The following KIF2A variants were observed in gnomAD, a reference collection of about 807,000 sequenced individuals.
KIF2A encodes kinesin family member 2A.
Under a neutral mutation model 100.2 loss-of-function variants are expected in KIF2A, and 22 were observed. The ratio of observed to expected loss-of-function variants is 0.22; its 90% confidence interval spans 0.16 to 0.31. The LOEUF is 0.31. Ranked by LOEUF, KIF2A falls within the 10% of genes least tolerant of loss-of-function variation. KIF2A has a pLI of 1.00. For missense variants in KIF2A, 495 were observed against 898.7 expected, an observed-to-expected ratio of 0.55 and a Z score of 5.74; for synonymous variants, 268 against 285.9, an observed-to-expected ratio of 0.94 and a Z score of 0.63.
chr5:62,376,791 A>C (rs994307290), intron 18 of KIF2A, among the ~76,000 whole-genome samples: 1 of 152,040 alleles, frequency 6.6e-6, no homozygotes, highest in East Asian at 1.9e-4. Context: ...GCCTGGAATC[A>C]GAGAAGCTCT....
intron 14 of KIF2A, among the ~76,000 whole-genome samples, chr5:62,364,294 C>T (rs139158651): frequency 0.026 from 4,027 of 152,078 alleles, 74 homozygotes; most frequent in Non-Finnish European, 0.04. Context: ...ATTACAGGCA[C>T]GCACCACCAC....
At chr5:62,320,823 A>ATTT (rs34685211) in intron 1 of KIF2A, among the ~76,000 whole-genome samples, 1 of 151,366 alleles carries the variant, frequency 6.6e-6, no homozygotes, top group African/African-American at 2.4e-5. Context: ...CAATTCAGTG[A>ATTT]TTTTTTTTTG....
chr5:62,325,624 T>A (rs966021889), intron 1 of KIF2A, among the ~76,000 whole-genome samples: 1 of 152,102 alleles, frequency 6.6e-6, no homozygotes, highest in African/African-American at 2.4e-5. Context: ...ATGGCTATTA[T>A]TAAAAAGTCA....
intron 19 of KIF2A, 60 bp from the exon 20 acceptor site, chr5:62,381,058 G>A (rs967805235): frequency 3.2e-6 from 4 of 1,255,234 alleles, no homozygotes; most frequent in Non-Finnish European, 4.6e-6. Context: ...TAACAGAATT[G>A]TAATTTGGTT....
chr5:62,339,954 T>C (rs1327437427), intron 1 of KIF2A, among the ~76,000 whole-genome samples: 3 of 151,546 alleles, frequency 2.0e-5, no homozygotes. Flanking sequence ...TTTTTTTTTT[T>C]TGAGACAGAA....
chr5:62,358,027 T>C (rs1342477643), intron 8 of KIF2A, 110 bp from the exon 9 acceptor site: 1 of 789,354 alleles, frequency 1.3e-6, no homozygotes, highest in Admixed American at 3.5e-5. Context: ...TATCTTTATA[T>C]GTACAGAACT....
rs759003955 is a variant in KIF2A, at chr5:62,347,126, A to G, written c.65-4A>G. ...TTTAAGGTGTATACTTTATTCCCAC[A>G]TAGGCCGAATACATCAAGCAATGGT... On this transcript the variant is annotated splice_region_variant and splice_polypyrimidine_tract_variant and intron_variant, in intron 1 of 20. Transcript: ENST00000407818. The G allele has an allele frequency of 3.2e-6, 5 of 1,570,870 alleles. No individual in the cohort carries two copies. The highest frequency in any genetic ancestry group is 3.4e-5 in the Admixed American group (2 of 58,412).
At chr5:62,323,557 A>C (rs1401307978) in intron 1 of KIF2A, among the ~76,000 whole-genome samples, 1 of 151,992 alleles carries the variant, frequency 6.6e-6, no homozygotes, top group Non-Finnish European at 1.5e-5. Flanking sequence ...TGTTAAAAAC[A>C]CATAAAATTA....
At chr5:62,346,948 A>G (rs559228668) in intron 1 of KIF2A, among the ~76,000 whole-genome samples, 182 bp from the exon 2 acceptor site, 3 of 152,306 alleles carry the variant, frequency 2.0e-5, no homozygotes, top group African/African-American at 7.2e-5. Context: ...ACAAGTAGCA[A>G]ATTGATTTAT....
chr5:62,367,651 C>T (rs917033031), intron 16 of KIF2A, among the ~76,000 whole-genome samples: 1 of 152,108 alleles, frequency 6.6e-6, no homozygotes, highest in African/African-American at 2.4e-5. Context: ...TGGGTTTTTA[C>T]AGATAGAAGG....
chr5:62,319,043 T>G (rs1261399931), intron 1 of KIF2A, among the ~76,000 whole-genome samples: 5 of 152,168 alleles, frequency 3.3e-5, no homozygotes, highest in African/African-American at 1.2e-4. Context: ...CAAGTAACTC[T>G]TCCTGCACTT....
At chr5:62,366,808 GCAACAGAGTGAGACTCCGTCT>G (rs1741093405) in intron 16 of KIF2A, among the ~76,000 whole-genome samples, 1 of 149,916 alleles carries the variant, frequency 6.7e-6, no homozygotes, top group Non-Finnish European at 1.5e-5. Context: ...TCCAGCCTGG[GCAACAGAGTGAGACTCCGTCT>G]CAAAAAAAAA....
chr5:62,368,349 G>A (rs1741177776), intron 16 of KIF2A, among the ~76,000 whole-genome samples: 1 of 151,386 alleles, frequency 6.6e-6, no homozygotes, highest in South Asian at 2.1e-4. Context: ...ATTACACAAT[G>A]GTATTATAAC....
In KIF2A at chr5:62,353,369, A is replaced by G; in HGVS notation, c.552A>G (p.Arg184=). 6.5e-7 allele frequency: 1 copy of G among 1,536,148 alleles called. No homozygotes were observed. The highest frequency in any genetic ancestry group is 1.4e-5 in the African/African-American group (1 of 71,476). The part of the protein sequence containing the change: ...RLQQQELREK[R]AQDVDATNPN... ...AACAGCAAGAACTTAGAGAAAAAAG[A>G]GCCCAGGTTCGTAACATAAACATAT... Residue 184 remains arginine, a synonymous_variant, in exon 6 of 21, where the codon AGA becomes AGG. Transcript: ENST00000407818.
At chr5:62,368,703 G>A (rs1205613240) in intron 16 of KIF2A, among the ~76,000 whole-genome samples, 1 of 151,922 alleles carries the variant, frequency 6.6e-6, no homozygotes, top group Admixed American at 6.6e-5. Context: ...CTTGAACCTG[G>A]AATGTTGAGT....
At chr5:62,317,707 C>G (rs1745888210) in intron 1 of KIF2A, among the ~76,000 whole-genome samples, 1 of 151,974 alleles carries the variant, frequency 6.6e-6, no homozygotes, top group Non-Finnish European at 1.5e-5. Flanking sequence ...TTTATTAATC[C>G]AACTAATATT....
chr5:62,347,338 C>A, intron 2 of KIF2A, 114 bp downstream of exon 2: 1 of 618,638 alleles, frequency 1.6e-6, no homozygotes. Flanking sequence ...TTTTATTATT[C>A]CTTGAAAACT....
chr5:62,356,400 T>C (rs1580068801), intron 7 of KIF2A, among the ~76,000 whole-genome samples: 1 of 152,200 alleles, frequency 6.6e-6, no homozygotes, highest in South Asian at 2.1e-4. Context: ...CATTGTATTG[T>C]AAAAGCAGCC....
chr5:62,326,383 A>G (rs1219971232), intron 1 of KIF2A, among the ~76,000 whole-genome samples: 1 of 152,112 alleles, frequency 6.6e-6, no homozygotes, highest in Non-Finnish European at 1.5e-5. Context: ...TGGCCCACCC[A>G]CACTCTCAGC....
Sources: gnomAD v4.1 joint callset for allele counts (sites outside exome capture counted in the v4.1 genomes callset) on GRCh38, gnomAD v4.1.1 for gene constraint, MANE v1.5 for transcripts, NCBI Gene and HGNC (gene_info 2026-07-23, HGNC 2026-07-21) for gene names.